The following KYNU variants were observed in gnomAD, a reference collection of about 807,000 sequenced individuals.
KYNU encodes the protein L-kynurenine hydrolase.
Under a neutral mutation model 59.2 loss-of-function variants are expected in KYNU, and 54 were observed. The observed-to-expected ratio is 0.91, with a 90% CI of 0.73 to 1.14. The LOEUF (loss-of-function observed/expected upper bound fraction) is 1.14, where lower values mean the gene tolerates loss of function less well. Among genes scored for constraint, KYNU ranks in the 50% most tolerant of loss-of-function variants. The pLI is 0.00. For missense variants in KYNU, 567 were observed against 554.4 expected (o/e 1.02, Z -0.23); for synonymous variants, 177 against 192.0 (o/e 0.92, Z 0.65).
chr2:143,038,485 C>A lies in KYNU; in HGVS notation c.1042-1943C>A, dbSNP rs542215876. Among the ~76,000 whole-genome samples, 15 of 152,226 alleles carry A rather than the reference C, an allele frequency of 9.9e-5. No homozygotes were observed. The East Asian group carries it at 2.9e-3, about 29-fold the overall frequency. On this transcript the variant is annotated intron_variant, in intron 12 of 13. Coordinates refer to ENST00000264170, the MANE Select transcript of KYNU (RefSeq NM_003937.3). ...AGAAAATGAAGGAGATGCCTCCTACCAAGTTCTGTGTAACCTGGGTCATCT... is the reference window on the plus strand; with the variant it reads ...AGAAAATGAAGGAGATGCCTCCTACAAAGTTCTGTGTAACCTGGGTCATCT...
At chr2:143,021,589 G>A (rs77403458) in intron 10 of KYNU, among the ~76,000 whole-genome samples, 233 of 152,202 alleles carry the variant, frequency 1.5e-3, no homozygotes, top group African/African-American at 5.4e-3. Flanking sequence ...TGGGGGGCAG[G>A]CACCTCACGT....
chr2:142,990,160 G>A (rs1685355027), intron 10 of KYNU: 1 of 151,672 alleles, frequency 6.6e-6, no homozygotes. Context: ...TCTAAACTCT[G>A]TCTGTACAAT....
Position 143,047,029 on chromosome 2 carries a change from A to G in KYNU, c.*4857A>G, listed in dbSNP as rs1423103011. 6.6e-6 allele frequency: 1 copy of G among 152,108 alleles called. No homozygotes were observed. The highest frequency in any genetic ancestry group is 2.4e-5 in the African/African-American group (1 of 41,414). The allele number at this position is 152,108 out of a possible 1,614,324, so 9.4% of individuals were successfully genotyped here. A position where few individuals can be genotyped will look rare whatever the true frequency, so the allele number is the denominator to read the frequency against. On this transcript the variant is annotated 3_prime_UTR_variant, in exon 14 of 14. Coordinates refer to ENST00000264170, the MANE Select transcript of KYNU (RefSeq NM_003937.3). ...CACATTTATAGTTTGACAAATTCCT[A>G]AGTACTTCTAATTTTATTGTCATTC...
intron 3 of KYNU, 70 bp downstream of exon 3, chr2:142,918,799 T>A: frequency 6.6e-7 from 1 of 1,510,380 alleles, no homozygotes; most frequent in Non-Finnish European, 9.2e-7. Flanking sequence ...TTAGGTTGTC[T>A]AATATTTGGA....
chr2:142,936,819 T>C (rs1191089191), intron 4 of KYNU, among the ~76,000 whole-genome samples: 1 of 152,208 alleles, frequency 6.6e-6, no homozygotes, highest in Non-Finnish European at 1.5e-5. Flanking sequence ...TGCTGTGGCC[T>C]ACTCTCTGGG....
intron 12 of KYNU, among the ~76,000 whole-genome samples, chr2:143,034,392 A>G (rs1278019633): frequency 2.0e-5 from 3 of 152,202 alleles, no homozygotes; most frequent in Non-Finnish European, 4.4e-5. Context: ...TGAAGATTCA[A>G]AATTCCTTCT....
chr2:142,934,126 G>T, intron 4 of KYNU, among the ~76,000 whole-genome samples: 1 of 152,170 alleles, frequency 6.6e-6, no homozygotes, highest in East Asian at 1.9e-4. Flanking sequence ...GTTAAAAGGG[G>T]AGTTTGTTGG....
At chr2:142,928,596 A>G (rs1005825592) in intron 4 of KYNU, among the ~76,000 whole-genome samples, 1 of 152,218 alleles carries the variant, frequency 6.6e-6, no homozygotes, top group Non-Finnish European at 1.5e-5. Context: ...GGACTTATGC[A>G]TAGAAAAAAC....
At chr2:142,987,176 A>T (rs1685230606) in intron 10 of KYNU, among the ~76,000 whole-genome samples, 1 of 151,936 alleles carries the variant, frequency 6.6e-6, no homozygotes, top group African/African-American at 2.4e-5. Flanking sequence ...CCACATAGAC[A>T]GTATGTAAGA....
rs570188798 is a variant in KYNU at position 143,052,072 on chromosome 2, G to C, written c.*9900G>C. On this transcript the variant is annotated 3_prime_UTR_variant, in exon 14 of 14. Coordinates refer to ENST00000264170, the MANE Select transcript of KYNU (RefSeq NM_003937.3). Reference sequence around the variant, plus strand: ...GATAAGGAACTTCTTGGGAACTGGAGCAAAGGTGACTCTTGTTATGTTTTA... The same window carrying C: ...GATAAGGAACTTCTTGGGAACTGGACCAAAGGTGACTCTTGTTATGTTTTA... 10 of 152,392 alleles carry C rather than the reference G, an allele frequency of 6.6e-5. 1 individual carries two copies. The highest frequency in any genetic ancestry group is 2.2e-4 in the African/African-American group (9 of 41,580). 9.4% of individuals were successfully genotyped at this position (152,392 alleles called of 1,614,324 possible).
At chr2:142,925,833 C>T (rs1683031549) in intron 3 of KYNU, among the ~76,000 whole-genome samples, 2 of 152,220 alleles carry the variant, frequency 1.3e-5, no homozygotes, top group Admixed American at 6.5e-5. Flanking sequence ...TTTACTGACA[C>T]AGATTCAACC....
At chr2:142,982,886 C>T (rs530685781) in intron 8 of KYNU, among the ~76,000 whole-genome samples, 2 of 152,114 alleles carry the variant, frequency 1.3e-5, no homozygotes, top group East Asian at 3.9e-4. Flanking sequence ...TCCAAGCCTC[C>T]ATCTTGTGAT....
rs1432618189 is a variant in KYNU, at chr2:143,055,684, A to AAGGT, written c.*13513_*13514insGGTA. 3 of 149,204 alleles carry AAGGT rather than the reference A, an allele frequency of 2.0e-5. No individual in the cohort carries two copies. Among genetic ancestry groups the AAGGT allele is most frequent in the African/African-American group, 7.4e-5 (3 of 40,370 alleles). 9.2% of individuals were successfully genotyped at this position (149,204 alleles called of 1,614,324 possible). On this transcript the variant is annotated 3_prime_UTR_variant, in exon 14 of 14. Transcript: ENST00000264170. ...GAAGGAAGGAAGGAAGGAAGGAAGG[A>AAGGT]AAGGGAGGAGAGGAGAGGAGAGGTA... is the stretch of plus-strand genomic sequence containing the variant.
At chr2:142,914,755 G>A (rs1176687985) in intron 2 of KYNU, among the ~76,000 whole-genome samples, 1 of 152,212 alleles carries the variant, frequency 6.6e-6, no homozygotes, top group East Asian at 1.9e-4. Context: ...GTCCGTATAA[G>A]ATGGTGAACT....
In KYNU at chr2:142,981,585, A is replaced by G. The variant is rs183539540; in HGVS notation, c.730-3499A>G. 8.0e-4 allele frequency among the ~76,000 whole-genome samples: 121 copies of G among 152,104 alleles called. 1 individual carries two copies. Among genetic ancestry groups the G allele is most frequent in the African/African-American group, 2.8e-3 (118 of 41,544 alleles). On this transcript the variant is annotated intron_variant, in intron 8 of 13. Coordinates refer to ENST00000264170, the MANE Select transcript of KYNU (RefSeq NM_003937.3). ...TGAAGATTAATTATATTCATGTCCT[A>G]TTACTCCTTAAACTTATATTACAAT...
At chr2:142,883,655 C>T (rs1035953308) in intron 1 of KYNU, among the ~76,000 whole-genome samples, 1 of 152,128 alleles carries the variant, frequency 6.6e-6, no homozygotes, top group African/African-American at 2.4e-5. Context: ...TCCTCCAGGT[C>T]CAGGTCTTCA....
intron 1 of KYNU, among the ~76,000 whole-genome samples, chr2:142,878,150 A>C (rs77035103): frequency 0.028 from 4,326 of 152,266 alleles, 136 homozygotes; most frequent in Non-Finnish European, 0.037. Context: ...GCTAGTAGTC[A>C]TATTAAATAT....
chr2:143,034,027 A>C (rs1457255406), intron 12 of KYNU, among the ~76,000 whole-genome samples: 1 of 151,918 alleles, frequency 6.6e-6, no homozygotes, highest in Admixed American at 6.6e-5. Context: ...GAAATGATAA[A>C]TATACATAAC....
At chr2:143,033,876 C>T (rs1322409942) in intron 12 of KYNU, among the ~76,000 whole-genome samples, 6 of 152,204 alleles carry the variant, frequency 3.9e-5, no homozygotes, top group Middle Eastern at 3.4e-3. Context: ...AAGGTTGTCT[C>T]ATAAGGTAGG....
Sources: allele counts gnomAD v4.1 joint callset (sites outside exome capture counted in the v4.1 genomes callset), GRCh38; gene constraint gnomAD v4.1.1; transcripts MANE v1.5; gene names NCBI Gene and HGNC (gene_info 2026-07-23, HGNC 2026-07-21).